Variants in ERC2 observed in about 807,000 individuals in gnomAD.
ERC2 encodes ERC protein 2.
ERC2 carries 42 observed loss-of-function variants against 114.8 expected under a neutral mutation model. The observed-to-expected ratio is 0.37, with a 90% confidence interval of 0.29 to 0.47. ERC2 has a LOEUF of 0.47. Among genes scored for constraint, ERC2 ranks in the 20% least tolerant of loss-of-function variants. ERC2 has a pLI of 0.99. For missense variants in ERC2, 939 were observed against 1,150.7 expected (o/e 0.82, Z 2.66); for synonymous variants, 454 against 425.5 (o/e 1.07, Z -0.82).
chr3:55,707,039 TAGAC>T (rs2063529364), intron 15 of ERC2, among the ~76,000 whole-genome samples: 1 of 152,220 alleles, frequency 6.6e-6, no homozygotes, highest in South Asian at 2.1e-4. Context: ...ACACCATAGA[TAGAC>T]AGACAGATGC....
At chr3:55,923,538 T>C (rs552588310) in intron 13 of ERC2, among the ~76,000 whole-genome samples, 19 of 152,244 alleles carry the variant, frequency 1.2e-4, no homozygotes, top group Admixed American at 5.9e-4. Context: ...AAAAAAAAGT[T>C]GGTTCAGAAG....
In ERC2 at chr3:55,773,607, G is replaced by A. The variant is rs138795491; in HGVS notation, c.2565-38689C>T. On this transcript the variant is annotated intron_variant, in intron 14 of 17. Transcript: ENST00000288221. ...CCCTTGTTGAGAATATCAGCTCTAT[G>A]AGGCAGGAATGTTGGTTTCGTTCCC... 3.2e-4 allele frequency among the ~76,000 whole-genome samples: 48 copies of A among 152,322 alleles called. No homozygotes were observed. The East Asian group carries it at 9.3e-3, about 29-fold the overall frequency.
At chr3:56,126,315 G>A (rs1327104528) in intron 6 of ERC2, among the ~76,000 whole-genome samples, 2 of 152,290 alleles carry the variant, frequency 1.3e-5, no homozygotes, top group South Asian at 4.1e-4. Context: ...AATCAATAGA[G>A]GTGATACATC....
chr3:55,636,699 T>C (rs1277364974), intron 17 of ERC2, among the ~76,000 whole-genome samples: 1 of 152,196 alleles, frequency 6.6e-6, no homozygotes, highest in Non-Finnish European at 1.5e-5. Flanking sequence ...TGTTGTGACA[T>C]GAAACCAGCC....
At chr3:55,894,337 C>A (rs1332732240) in intron 13 of ERC2, among the ~76,000 whole-genome samples, 1 of 152,030 alleles carries the variant, frequency 6.6e-6, no homozygotes, top group African/African-American at 2.4e-5. Flanking sequence ...TAAGCATTAC[C>A]ATTGCTATGC....
At chr3:56,402,247 A>G (rs923518972) in intron 2 of ERC2, among the ~76,000 whole-genome samples, 3 of 152,220 alleles carry the variant, frequency 2.0e-5, no homozygotes, top group African/African-American at 7.2e-5. Context: ...TTTATAATGC[A>G]CTTTTAATTA....
chr3:56,425,237 C>A (rs2061522725), intron 2 of ERC2, among the ~76,000 whole-genome samples: 1 of 152,152 alleles, frequency 6.6e-6, no homozygotes, highest in Non-Finnish European at 1.5e-5. Flanking sequence ...TACACACTCA[C>A]CAAGTCCTGG....
chr3:55,615,811 A>C (rs776360730), intron 17 of ERC2, among the ~76,000 whole-genome samples: 1 of 152,350 alleles, frequency 6.6e-6, no homozygotes, highest in Non-Finnish European at 1.5e-5. Flanking sequence ...TAAAAGTGGC[A>C]TGCGAGCAGG....
At chr3:56,257,078 G>A (rs1560471421) in intron 3 of ERC2, among the ~76,000 whole-genome samples, 1 of 152,130 alleles carries the variant, frequency 6.6e-6, no homozygotes, top group Non-Finnish European at 1.5e-5. Context: ...ACCTCAGAGG[G>A]TCACCATGAG....
intron 17 of ERC2, among the ~76,000 whole-genome samples, chr3:55,641,671 T>C (rs189978525): frequency 1.5e-3 from 232 of 151,884 alleles, no homozygotes; most frequent in African/African-American, 5.4e-3. Context: ...AGATAGCCTG[T>C]ATAGGTTCCT....
At chr3:55,748,807 C>G (rs2066474758) in intron 14 of ERC2, among the ~76,000 whole-genome samples, 1 of 152,046 alleles carries the variant, frequency 6.6e-6, no homozygotes, top group Admixed American at 6.6e-5. Flanking sequence ...AACATGAAAC[C>G]TCATAGTCAT....
rs57407975 is a variant in ERC2 at position 55,641,549 on chromosome 3, C to CAAAAA, written c.*39+42240_*39+42244dup. The stretch of plus-strand genomic sequence containing the variant: ...TGGGTGACAGAGCAAGATTCTATCT[C>CAAAAA]AAAAAAAAAAAAAAAAAAAAAAAAA... On this transcript the variant is annotated intron_variant, in intron 17 of 17. Coordinates refer to ENST00000288221, the MANE Select transcript of ERC2 (RefSeq NM_015576.3). 8.2e-3 allele frequency among the ~76,000 whole-genome samples: 232 copies of CAAAAA among 28,366 alleles called. 21 individuals are homozygous for CAAAAA. The highest frequency in any genetic ancestry group is 0.021 in the African/African-American group (138 of 6,720). The allele number at this position is 28,366 out of a possible 152,430, so 18.6% of individuals were successfully genotyped here. A position where few individuals can be genotyped will look rare whatever the true frequency, so the allele number is the denominator to read the frequency against.
At chr3:56,357,187 A>C (rs1352399889) in intron 2 of ERC2, among the ~76,000 whole-genome samples, 1 of 152,192 alleles carries the variant, frequency 6.6e-6, no homozygotes, top group East Asian at 1.9e-4. Flanking sequence ...AAAGGGCTCT[A>C]AGCCCCTTAG....
intron 16 of ERC2, among the ~76,000 whole-genome samples, chr3:55,688,039 T>A (rs2062428111): frequency 6.6e-6 from 1 of 152,230 alleles, no homozygotes; most frequent in Admixed American, 6.5e-5. Flanking sequence ...TGGATGAATG[T>A]CTCTGTTCAG....
At chr3:55,582,433 A>G (rs1252275310) in intron 17 of ERC2, among the ~76,000 whole-genome samples, 1 of 152,224 alleles carries the variant, frequency 6.6e-6, no homozygotes, top group Non-Finnish European at 1.5e-5. Context: ...TCAAGTATCT[A>G]TGAAGTGGTC....
At chr3:55,584,082 T>C (rs1408084720) in intron 17 of ERC2, among the ~76,000 whole-genome samples, 1 of 152,224 alleles carries the variant, frequency 6.6e-6, no homozygotes. Flanking sequence ...GCTTGTTGAA[T>C]AGTACCTGGC....
At position 55,876,232 on chromosome 3, in the gene ERC2, C is replaced by T. The variant is rs561593672; in HGVS notation, c.2564+12157G>A. 2.0e-5 allele frequency among the ~76,000 whole-genome samples: 3 copies of T among 152,286 alleles called. No homozygotes were observed. In the East Asian group the frequency reaches 5.8e-4, roughly 29 times the overall value. On this transcript the variant is annotated intron_variant, in intron 14 of 17. Coordinates refer to ENST00000288221, the MANE Select transcript of ERC2 (RefSeq NM_015576.3). Reference sequence around the variant, plus strand: ...AGATCTTGAGGTTTACCTTTTCATCCTTAGGGTTGAGACTTCACTTGATAA... The same window carrying T: ...AGATCTTGAGGTTTACCTTTTCATCTTTAGGGTTGAGACTTCACTTGATAA...
intron 2 of ERC2, among the ~76,000 whole-genome samples, chr3:56,342,168 A>G (rs905755451): frequency 1.3e-5 from 2 of 152,236 alleles, no homozygotes; most frequent in Admixed American, 6.5e-5. Flanking sequence ...AACCCAGCAG[A>G]AATTTTAGCT....
At chr3:56,189,864 C>A (rs2083880187) in intron 3 of ERC2, among the ~76,000 whole-genome samples, 2 of 152,188 alleles carry the variant, frequency 1.3e-5, no homozygotes, top group African/African-American at 2.4e-5. Context: ...CAGGTCCAAG[C>A]AACTCTGGAA....
Sources: gnomAD v4.1 joint callset for allele counts (sites outside exome capture counted in the v4.1 genomes callset) on GRCh38, gnomAD v4.1.1 for gene constraint, MANE v1.5 for transcripts, NCBI Gene and HGNC (gene_info 2026-07-23, HGNC 2026-07-21) for gene names.